KCNQ1: variants seen among roughly 807,000 people sequenced by gnomAD.
The protein encoded by KCNQ1 is potassium voltage-gated channel subfamily Q member 1, also known as potassium voltage-gated channel subfamily KQT member 1.
In KCNQ1, 49 loss-of-function variants were observed where a neutral mutation model predicts 72.4. That is an observed-to-expected ratio of 0.68 (90% confidence interval 0.54 to 0.86). The LOEUF (loss-of-function observed/expected upper bound fraction) is 0.86. KCNQ1 is among the 40% of genes least tolerant of loss of function. The pLI, the probability that KCNQ1 is intolerant of heterozygous loss-of-function variation, is 0.00. For synonymous variants in KCNQ1, 450 were observed against 412.6 expected, an observed-to-expected ratio of 1.09 and a Z score of -1.10; for missense variants, 790 against 945.1, an observed-to-expected ratio of 0.84 and a Z score of 2.15.
rs536779521 is a variant in KCNQ1 at position 2,488,603 on chromosome 11, T to C, written c.387-39325T>C. On this transcript the variant is annotated intron_variant, in intron 1 of 15. Coordinates refer to ENST00000155840, the MANE Select transcript of KCNQ1 (RefSeq NM_000218.3). The surrounding 1 kb of genome is among the most constrained non-coding windows in gnomAD (Gnocchi z 5.1). ...GGTAGGTTTCGTGTTTCTCAGAATT[T>C]GTCCATTTCATCTAGGTTATCCAAT... Among the ~76,000 whole-genome samples, 259 of 152,372 alleles carry C rather than the reference T, an allele frequency of 1.7e-3. 1 individual carries two copies. The highest frequency in any genetic ancestry group is 5.9e-3 in the African/African-American group (246 of 41,588).
Position 2,647,003 on chromosome 11 carries a change from T to C in KCNQ1, c.1394-14958T>C, listed in dbSNP as rs1275949860. ...TCTTTTACTTGCCTAATTGTTCTGG[T>C]GAGGACTTTTCTTACTCTGCTGAAT... On this transcript the variant is annotated intron_variant, in intron 10 of 15. Transcript: ENST00000155840. The surrounding 1 kb of genome is among the most constrained non-coding windows in gnomAD (Gnocchi z 4.0). 1.0e-5 allele frequency: 4 copies of C among 398,494 alleles called. No individual in the cohort carries two copies. Among genetic ancestry groups the C allele is most frequent in the Non-Finnish European group, 1.8e-5 (4 of 226,068 alleles). The allele number at this position is 398,494 out of a possible 1,614,324, so 24.7% of individuals were successfully genotyped here.
intron 10 of KCNQ1, chr11:2,622,014 A>C (rs1044346406): frequency 4.5e-5 from 18 of 398,246 alleles, no homozygotes; most frequent in Non-Finnish European, 7.5e-5. Context: ...TTATTGCTGT[A>C]AACTTCCCTC....
chr11:2,521,803 C>T lies in KCNQ1; in HGVS notation c.387-6125C>T, dbSNP rs556564533. On this transcript the variant is annotated intron_variant, in intron 1 of 15. Transcript: ENST00000155840. Reference sequence around the variant, plus strand: ...CCAGAGTCCCGGCACAGCCCCCACCCGGACTGGATTTGCTTGGCGGGTCAC... The same window carrying T: ...CCAGAGTCCCGGCACAGCCCCCACCTGGACTGGATTTGCTTGGCGGGTCAC... 6.6e-5 allele frequency among the ~76,000 whole-genome samples: 10 copies of T among 152,366 alleles called. No individual in the cohort carries two copies. The South Asian group carries it at 1.2e-3, about 19-fold the overall frequency.
At chr11:2,742,726 T>C (rs1481077453) in intron 11 of KCNQ1, among the ~76,000 whole-genome samples, 1 of 152,178 alleles carries the variant, frequency 6.6e-6, no homozygotes, top group African/African-American at 2.4e-5. Flanking sequence ...CCCCTCCCCA[T>C]GTGCTGAATT....
In KCNQ1 at chr11:2,526,993, C is replaced by CG. The variant is rs1847521238; in HGVS notation, c.387-933dup. Among the ~76,000 whole-genome samples the CG allele has an allele frequency of 6.6e-6, 1 of 152,094 alleles. No homozygotes were observed. The highest frequency in any genetic ancestry group is 1.5e-5 in the Non-Finnish European group (1 of 68,000). ...GATCCACGGGGGTCCCTGGAGTCTC[C>CG]GGAGCCCGTGGGAATCCCCCTAGAG... On this transcript the variant is annotated intron_variant, in intron 1 of 15. Coordinates refer to ENST00000155840, the MANE Select transcript of KCNQ1 (RefSeq NM_000218.3). The surrounding 1 kb of genome is among the most constrained non-coding windows in gnomAD (Gnocchi z 6.1).
At chr11:2,777,758 C>T in intron 14 of KCNQ1, 1 of 626,076 alleles carries the variant, frequency 1.6e-6, no homozygotes, top group Non-Finnish European at 2.9e-6. Context: ...GAGCGTGGAG[C>T]AGGATGGAGC....
At chr11:2,490,124 T>A (rs188241110) in intron 1 of KCNQ1, among the ~76,000 whole-genome samples, 2 of 152,286 alleles carry the variant, frequency 1.3e-5, no homozygotes, top group Non-Finnish European at 2.9e-5. Flanking sequence ...ACAACCATGG[T>A]AGCCTGACAG....
Position 2,683,701 on chromosome 11 carries a change from A to G in KCNQ1, c.1514+21620A>G. ...CTGTGAAAAGCCTAGCCTGGGACTC[A>G]GGCCTTTCCTTACTCCCTCTGGTTA... On this transcript the variant is annotated intron_variant, in intron 11 of 15. Coordinates refer to ENST00000155840, the MANE Select transcript of KCNQ1 (RefSeq NM_000218.3). The surrounding 1 kb of genome is among the most constrained non-coding windows in gnomAD (Gnocchi z 4.7). 2.5e-6 allele frequency: 1 copy of G among 398,626 alleles called. No individual in the cohort carries two copies. Among genetic ancestry groups the G allele is most frequent in the Non-Finnish European group, 4.4e-6 (1 of 226,064 alleles). The allele number at this position is 398,626 out of a possible 1,614,324, so 24.7% of individuals were successfully genotyped here.
chr11:2,613,503 G>C lies in KCNQ1; in HGVS notation c.1393+24649G>C. Reference sequence around the variant, plus strand: ...GTCCTCAAGCCTACCGTGCCCCTGAGCTTGGGTGGGGAGATGGCAGCCCCA... The same window carrying C: ...GTCCTCAAGCCTACCGTGCCCCTGACCTTGGGTGGGGAGATGGCAGCCCCA... On this transcript the variant is annotated intron_variant, in intron 10 of 15. Coordinates refer to ENST00000155840, the MANE Select transcript of KCNQ1 (RefSeq NM_000218.3). This position sits in a 1 kb window ranked among gnomAD's most constrained non-coding sequence, Gnocchi z 4.8. 1 of 398,536 alleles carries C rather than the reference G, an allele frequency of 2.5e-6. No homozygotes were observed. Among genetic ancestry groups the C allele is most frequent in the East Asian group, 3.6e-5 (1 of 28,074 alleles). The allele number at this position is 398,536 out of a possible 1,614,324, so 24.7% of individuals were successfully genotyped here.
At chr11:2,456,957 A>AAAAAACC (rs1564786126) in intron 1 of KCNQ1, among the ~76,000 whole-genome samples, 3 of 122,140 alleles carry the variant, frequency 2.5e-5, no homozygotes, top group African/African-American at 9.6e-5. Flanking sequence ...AAAAAAAAAA[A>AAAAAACC]AAAAAAAACC....
chr11:2,620,515 C>T lies in KCNQ1; in HGVS notation c.1393+31661C>T, dbSNP rs755937570. On this transcript the variant is annotated intron_variant, in intron 10 of 15. Coordinates refer to ENST00000155840, the MANE Select transcript of KCNQ1 (RefSeq NM_000218.3). The surrounding 1 kb of genome is among the most constrained non-coding windows in gnomAD (Gnocchi z 4.5). ...ACAGGTGAGAGCTACCGCACCTGGCCGAATTCATTCATTTTTATGGCTGCA... is the reference window on the plus strand; with the variant it reads ...ACAGGTGAGAGCTACCGCACCTGGCTGAATTCATTCATTTTTATGGCTGCA... 19 of 383,980 alleles carry T rather than the reference C, an allele frequency of 4.9e-5. No individual in the cohort carries two copies. The highest frequency in any genetic ancestry group is 2.9e-4 in the South Asian group (2 of 6,890). The allele number at this position is 383,980 out of a possible 1,614,324, so 23.8% of individuals were successfully genotyped here.
Position 2,683,951 on chromosome 11 carries a change from C to A in KCNQ1, c.1514+21870C>A. On this transcript the variant is annotated intron_variant, in intron 11 of 15. Coordinates refer to ENST00000155840, the MANE Select transcript of KCNQ1 (RefSeq NM_000218.3). This position sits in a 1 kb window ranked among gnomAD's most constrained non-coding sequence, Gnocchi z 4.7. The stretch of plus-strand genomic sequence containing the variant: ...TTCATAGTCAGACAAAACCAGCTGA[C>A]TGCTTTTACTTTTTTTTTTTTTTCA... 2.5e-6 allele frequency: 1 copy of A among 397,176 alleles called. No homozygotes were observed. Among genetic ancestry groups the A allele is most frequent in the Non-Finnish European group, 4.4e-6 (1 of 225,960 alleles). The allele number at this position is 397,176 out of a possible 1,614,324, so 24.6% of individuals were successfully genotyped here.
At chr11:2,666,761 A>G in intron 11 of KCNQ1, 1 of 398,750 alleles carries the variant, frequency 2.5e-6, no homozygotes, top group Non-Finnish European at 4.4e-6. Flanking sequence ...CAGCTCTGTG[A>G]GTGTCTAAGC....
intron 2 of KCNQ1, among the ~76,000 whole-genome samples, chr11:2,560,911 G>A (rs1461388154): frequency 6.6e-6 from 1 of 152,100 alleles, no homozygotes; most frequent in Non-Finnish European, 1.5e-5. Flanking sequence ...AGGCTGCGCG[G>A]TGCCCTGCAG....
At chr11:2,686,655 G>A (rs954981412) in intron 11 of KCNQ1, 9 of 398,420 alleles carry the variant, frequency 2.3e-5, no homozygotes, top group East Asian at 2.1e-4. Context: ...GAGCATGGCC[G>A]CTGGATCAAG....
chr11:2,613,178 G>A lies in KCNQ1; in HGVS notation c.1393+24324G>A. 1 of 398,424 alleles carries A rather than the reference G, an allele frequency of 2.5e-6. No homozygotes were observed. The highest frequency in any genetic ancestry group is 4.4e-6 in the Non-Finnish European group (1 of 226,028). The allele number at this position is 398,424 out of a possible 1,614,324, so 24.7% of individuals were successfully genotyped here. On this transcript the variant is annotated intron_variant, in intron 10 of 15. Transcript: ENST00000155840. This position sits in a 1 kb window ranked among gnomAD's most constrained non-coding sequence, Gnocchi z 4.8. ...GTGGGTTGGGACATTCAAAGTTCAG[G>A]CACTTTATAACTCTGTCCTGTATTT...
chr11:2,448,980 G>A (rs1473588439), intron 1 of KCNQ1, among the ~76,000 whole-genome samples: 2 of 152,254 alleles, frequency 1.3e-5, no homozygotes, highest in African/African-American at 2.4e-5. Flanking sequence ...TGGGAGAAAG[G>A]GCCTCCCCAG....
intron 15 of KCNQ1, among the ~76,000 whole-genome samples, chr11:2,802,827 T>G (rs1014200775): frequency 6.6e-6 from 1 of 152,140 alleles, no homozygotes; most frequent in Admixed American, 6.5e-5. Flanking sequence ...GGAAGCTGAG[T>G]GGCCACCCAC....
At chr11:2,829,594 CTG>C (rs1847902113) in intron 15 of KCNQ1, among the ~76,000 whole-genome samples, 1 of 152,078 alleles carries the variant, frequency 6.6e-6, no homozygotes, top group Non-Finnish European at 1.5e-5. Flanking sequence ...TCTAATTTAA[CTG>C]TGTTGGAAAG....
Sources: gnomAD v4.1 joint callset for allele counts (sites outside exome capture counted in the v4.1 genomes callset) on GRCh38, gnomAD v4.1.1 for gene constraint, Gnocchi (gnomAD v3.1) non-coding constraint, MANE v1.5 for transcripts, NCBI Gene and HGNC (gene_info 2026-07-23, HGNC 2026-07-21) for gene names.